Variants in SEMA6D observed in about 807,000 individuals in gnomAD.
SEMA6D encodes the protein semaphorin 6D.
SEMA6D carries 35 observed loss-of-function variants against 106.6 expected under a neutral mutation model. The ratio of observed to expected loss-of-function variants is 0.33; its 90% CI spans 0.25 to 0.44. The LOEUF (loss-of-function observed/expected upper bound fraction) is 0.44, where lower values mean the gene tolerates loss of function less well. SEMA6D is among the 20% of genes least tolerant of loss of function. The pLI, the probability that SEMA6D is intolerant of heterozygous loss-of-function variation, is 1.00. For missense variants in SEMA6D, 1,185 were observed against 1,345.9 expected (o/e 0.88, Z 1.87); for synonymous variants, 499 against 487.7 (o/e 1.02, Z -0.31).
At chr15:47,333,740 G>T (rs972247231) in intron 1 of SEMA6D, among the ~76,000 whole-genome samples, 1 of 152,150 alleles carries the variant, frequency 6.6e-6, no homozygotes, top group Non-Finnish European at 1.5e-5. Flanking sequence ...TTAACTGGGG[G>T]AAGGCAAACA....
chr15:47,602,228 T>C (rs1392774851), intron 4 of SEMA6D, among the ~76,000 whole-genome samples: 1 of 152,148 alleles, frequency 6.6e-6, no homozygotes, highest in Non-Finnish European at 1.5e-5. Context: ...TCTTAACCTC[T>C]CAGTAATTGG....
intron 1 of SEMA6D, among the ~76,000 whole-genome samples, chr15:47,326,591 A>ATGT (rs1241194950): frequency 6.6e-6 from 1 of 151,746 alleles, no homozygotes; most frequent in Non-Finnish European, 1.5e-5. Context: ...TTTACAAGCA[A>ATGT]TGTTGCCGTG....
intron 1 of SEMA6D, among the ~76,000 whole-genome samples, chr15:47,224,528 A>C (rs2031485570): frequency 6.6e-6 from 1 of 152,122 alleles, no homozygotes; most frequent in South Asian, 2.1e-4. Context: ...GCAGACTGTG[A>C]AAATGACGTT....
At chr15:47,241,183 C>G (rs1022986566) in intron 1 of SEMA6D, 1 of 152,162 alleles carries the variant, frequency 6.6e-6, no homozygotes, top group Non-Finnish European at 1.5e-5. Context: ...TTAAATGACT[C>G]TATTGGAGTG....
intron 1 of SEMA6D, among the ~76,000 whole-genome samples, chr15:47,327,902 A>C (rs188372482): frequency 6.6e-6 from 1 of 152,306 alleles, no homozygotes; most frequent in African/African-American, 2.4e-5. Context: ...AGGTACTATT[A>C]ATAGTTTTTT....
intron 3 of SEMA6D, among the ~76,000 whole-genome samples, chr15:47,552,081 A>G (rs1308632537): frequency 2.6e-5 from 4 of 152,132 alleles, no homozygotes; most frequent in Admixed American, 6.6e-5. Context: ...TCACAGCGCT[A>G]TGTACAATAG....
At chr15:47,616,501 C>T (rs1024104510) in intron 4 of SEMA6D, among the ~76,000 whole-genome samples, 2 of 150,118 alleles carry the variant, frequency 1.3e-5, no homozygotes, top group African/African-American at 4.9e-5. Context: ...CTCTACTTGG[C>T]TATGACACAA....
At chr15:47,185,664 C>T (rs1249936540) in intron 1 of SEMA6D, 1 of 152,096 alleles carries the variant, frequency 6.6e-6, no homozygotes, top group Non-Finnish European at 1.5e-5. Context: ...ACCCTGGCCG[C>T]ATGCTAACAT....
chr15:47,453,898 C>T (rs993641850), intron 2 of SEMA6D, among the ~76,000 whole-genome samples: 12 of 151,898 alleles, frequency 7.9e-5, no homozygotes, highest in African/African-American at 2.9e-4. Context: ...GCCCAGACAG[C>T]CCATGCTCTT....
At chr15:47,265,214 T>G (rs1162674200) in intron 1 of SEMA6D, among the ~76,000 whole-genome samples, 1 of 151,990 alleles carries the variant, frequency 6.6e-6, no homozygotes, top group Non-Finnish European at 1.5e-5. Flanking sequence ...ATATTGTGTA[T>G]TACTACAATA....
At chr15:47,504,460 A>G (rs1194674627) in intron 3 of SEMA6D, among the ~76,000 whole-genome samples, 3 of 151,968 alleles carry the variant, frequency 2.0e-5, no homozygotes, top group Admixed American at 2.0e-4. Context: ...GGGCGTAGGA[A>G]GCCTGCATTG....
At chr15:47,370,719 G>A (rs1332669833) in intron 1 of SEMA6D, among the ~76,000 whole-genome samples, 1 of 150,332 alleles carries the variant, frequency 6.7e-6, no homozygotes, top group African/African-American at 2.5e-5. Flanking sequence ...AATTTGATGG[G>A]TGTGGCAGCA....
intron 1 of SEMA6D, among the ~76,000 whole-genome samples, chr15:47,301,580 G>A (rs1267079002): frequency 2.0e-5 from 3 of 152,242 alleles, no homozygotes; most frequent in Non-Finnish European, 2.9e-5. Context: ...CTGATTTTGA[G>A]TGTTGCTGCT....
intron 1 of SEMA6D, among the ~76,000 whole-genome samples, chr15:47,735,480 A>G (rs1221881467): frequency 2.0e-5 from 3 of 152,016 alleles, no homozygotes; most frequent in Non-Finnish European, 4.4e-5. Flanking sequence ...TAGCTGTTTA[A>G]TGGCAGACAC....
At chr15:47,650,040 T>A (rs116917643) in intron 4 of SEMA6D, among the ~76,000 whole-genome samples, 1,608 of 152,284 alleles carry the variant, frequency 0.011, 18 homozygotes, top group South Asian at 0.045. Flanking sequence ...CCACCACCTC[T>A]GCATAGACAA....
At chr15:47,382,456 G>A (rs1338170004) in intron 1 of SEMA6D, among the ~76,000 whole-genome samples, 4 of 152,062 alleles carry the variant, frequency 2.6e-5, no homozygotes, top group East Asian at 1.9e-4. Context: ...GCAGTGAGCT[G>A]AGACTGCACC....
intron 3 of SEMA6D, among the ~76,000 whole-genome samples, chr15:47,555,019 A>G (rs1031535513): frequency 9.9e-5 from 15 of 152,196 alleles, no homozygotes; most frequent in African/African-American, 3.4e-4. Context: ...CTGGACAACA[A>G]TTGAGCCTTC....
At chr15:47,757,868 TC>T (rs1263167355) in intron 1 of SEMA6D, among the ~76,000 whole-genome samples, 5 of 152,170 alleles carry the variant, frequency 3.3e-5, no homozygotes, top group Non-Finnish European at 7.4e-5. Context: ...TCTCAGAATT[TC>T]CTATGTGCCA....
intron 1 of SEMA6D, among the ~76,000 whole-genome samples, chr15:47,204,816 T>C (rs1307061966): frequency 1.3e-5 from 2 of 152,130 alleles, no homozygotes; most frequent in Non-Finnish European, 2.9e-5. Flanking sequence ...ATGATGTTTA[T>C]GGTTGTTTTT....
Sources: allele counts gnomAD v4.1 joint callset (sites outside exome capture counted in the v4.1 genomes callset), GRCh38; gene constraint gnomAD v4.1.1; transcripts MANE v1.5; gene names NCBI Gene and HGNC (gene_info 2026-07-23, HGNC 2026-07-21).